Variants in MOK observed in about 807,000 individuals in gnomAD.
MOK encodes MOK protein kinase.
In MOK, 59 loss-of-function variants were observed where a neutral mutation model predicts 54.2. That is an observed-to-expected ratio of 1.09 (90% CI 0.88 to 1.35). MOK has a LOEUF of 1.35. Among genes scored for constraint, MOK ranks in the 40% most tolerant of loss-of-function variants. The pLI is 0.00. For missense variants in MOK, 517 were observed against 526.2 expected (o/e 0.98, Z 0.17); for synonymous variants, 210 against 202.7 (o/e 1.04, Z -0.31).
chr14:102,263,186 C>T (rs77401355), intron 4 of MOK, among the ~76,000 whole-genome samples: 2,317 of 152,378 alleles, frequency 0.015, 29 homozygotes, highest in Middle Eastern at 0.031. Flanking sequence ...AACAGAATGT[C>T]GAGCAACAGC....
the MOK span, among the ~76,000 whole-genome samples, chr14:102,218,530 T>C: frequency 6.6e-6 from 1 of 152,258 alleles, no homozygotes; most frequent in East Asian, 1.9e-4. Flanking sequence ...TGCTGCTTTA[T>C]TGTAAATTGT....
In MOK at chr14:102,265,832, T is replaced by C; in HGVS notation, c.203A>G (p.Glu68Gly). ...NPHPNILMLH[E>G]VVFDRKSGSL... ...CTCCAAATATACTTACAAAACCACTTCATGCAACATAAGAATGTTTGGGTG... is the reference window on the plus strand; with the variant it reads ...CTCCAAATATACTTACAAAACCACTCCATGCAACATAAGAATGTTTGGGTG... Residue 68 changes from glutamate (E) to glycine (G), a missense_variant, in exon 3 of 12, where the codon GAA becomes GGA. Coordinates refer to ENST00000361847, the MANE Select transcript of MOK (RefSeq NM_014226.3). 6.2e-7 allele frequency: 1 copy of C among 1,613,518 alleles called. No homozygotes were observed. Among genetic ancestry groups the C allele is most frequent in the South Asian group, 1.1e-5 (1 of 91,060 alleles).
chr14:102,280,877 G>A (rs2069343200), intron 2 of MOK: 1 of 152,260 alleles, frequency 6.6e-6, no homozygotes, highest in South Asian at 2.1e-4. Context: ...TCACCCGCTA[G>A]AGAACTGCTC....
chr14:102,296,583 C>T (rs536635061), intron 1 of MOK, among the ~76,000 whole-genome samples: 1 of 152,276 alleles, frequency 6.6e-6, no homozygotes, highest in African/African-American at 2.4e-5. Context: ...AAGTTTACCT[C>T]ATTTTGTTTT....
chr14:102,259,883 A>G (rs932290478), intron 4 of MOK, among the ~76,000 whole-genome samples: 1 of 152,108 alleles, frequency 6.6e-6, no homozygotes, highest in African/African-American at 2.4e-5. Context: ...TCTCTACTAA[A>G]AATACAAAAC....
downstream of MOK, among the ~76,000 whole-genome samples, chr14:102,222,174 G>A (rs1308363234): frequency 6.6e-6 from 1 of 151,808 alleles, no homozygotes; most frequent in Non-Finnish European, 1.5e-5. This position sits in a 1 kb window ranked among gnomAD's most constrained non-coding sequence, Gnocchi z 4.4. Context: ...GGCCCTGGTG[G>A]GTTGGCCCCC....
In MOK at chr14:102,298,007, C is replaced by G. The variant is rs550433599; in HGVS notation, c.7+6955G>C. On this transcript the variant is annotated intron_variant, in intron 1 of 11. Coordinates refer to ENST00000361847, the MANE Select transcript of MOK (RefSeq NM_014226.3). The stretch of plus-strand genomic sequence containing the variant: ...GGCTCCTGCGCAGCCCAAGCCTCCC[C>G]GAGGAGCACCGCCCCCTGCTCCAGG... Among the ~76,000 whole-genome samples the G allele has an allele frequency of 2.6e-5, 4 of 152,336 alleles. No individual in the cohort carries two copies. The East Asian group carries it at 5.8e-4, about 22-fold the overall frequency.
At chr14:102,287,996 G>A (rs1003876014) in intron 1 of MOK, among the ~76,000 whole-genome samples, 15 of 151,488 alleles carry the variant, frequency 9.9e-5, no homozygotes, top group East Asian at 3.9e-4. Context: ...CACCGCGCCC[G>A]GCTAATTTTT....
chr14:102,254,231 G>A (rs377407221), intron 4 of MOK, among the ~76,000 whole-genome samples: 85 of 152,196 alleles, frequency 5.6e-4, no homozygotes, highest in African/African-American at 1.9e-3. Flanking sequence ...CTCGAGATCC[G>A]CCCGCCTCGG....
intron 4 of MOK, 36 bp downstream of exon 4, chr14:102,263,510 A>G: frequency 7.0e-7 from 1 of 1,437,762 alleles, no homozygotes; most frequent in Non-Finnish European, 9.6e-7. Flanking sequence ...GCCTTAAAAG[A>G]GGATCTTAGG....
Position 102,229,179 on chromosome 14 carries a change from G to A in MOK, c.*110C>T, listed in dbSNP as rs928785115. 3.1e-5 allele frequency: 37 copies of A among 1,204,606 alleles called. No individual in the cohort carries two copies. The highest frequency in any genetic ancestry group is 7.7e-5 in the African/African-American group (5 of 65,170). 74.6% of individuals were successfully genotyped at this position (1,204,606 alleles called of 1,614,324 possible). ...CCCAGAGCCCCGGCCAGCGCGAAAC[G>A]GACGCAGGCGCATCCCCAGCCCTCC... On this transcript the variant is annotated 3_prime_UTR_variant, in exon 12 of 12. Transcript: ENST00000361847.
At chr14:102,286,071 G>A (rs1021376103) in intron 1 of MOK, among the ~76,000 whole-genome samples, 4 of 151,452 alleles carry the variant, frequency 2.6e-5, no homozygotes, top group South Asian at 2.1e-4. Flanking sequence ...AGGCCGAGGC[G>A]GGCGGATCAC....
downstream of MOK, among the ~76,000 whole-genome samples, chr14:102,222,247 C>T (rs2063978998): frequency 6.6e-6 from 1 of 152,208 alleles, no homozygotes; most frequent in Admixed American, 6.5e-5. This position sits in a 1 kb window ranked among gnomAD's most constrained non-coding sequence, Gnocchi z 4.4. Context: ...GGGGCTCCCC[C>T]GACCTCGGCC....
chr14:102,263,746 T>C, intron 3 of MOK, 130 bp from the exon 4 acceptor site: 2 of 513,582 alleles, frequency 3.9e-6, no homozygotes, highest in Non-Finnish European at 6.7e-6. Context: ...TACAGTGTAA[T>C]TGCTGAAACA....
chr14:102,221,071 C>A (rs550768944), downstream of MOK, among the ~76,000 whole-genome samples: 1 of 152,218 alleles, frequency 6.6e-6, no homozygotes, highest in African/African-American at 2.4e-5. The surrounding 1 kb of genome is among the most constrained non-coding windows in gnomAD (Gnocchi z 4.8). Context: ...AACGTGCTCC[C>A]GGGAAGCTAA....
chr14:102,265,599 C>G (rs1232914045), intron 3 of MOK, among the ~76,000 whole-genome samples: 1 of 151,876 alleles, frequency 6.6e-6, no homozygotes, highest in African/African-American at 2.4e-5. Flanking sequence ...CCGCTGCACT[C>G]CAGCCTGCAT....
chr14:102,292,816 T>A (rs1437313136), intron 1 of MOK, among the ~76,000 whole-genome samples: 1 of 152,044 alleles, frequency 6.6e-6, no homozygotes, highest in Non-Finnish European at 1.5e-5. Flanking sequence ...ATTCAATTTG[T>A]ATATGAGTGA....
intron 6 of MOK, 72 bp from the exon 7 acceptor site, chr14:102,251,062 A>G: frequency 6.7e-7 from 1 of 1,494,888 alleles, no homozygotes; most frequent in East Asian, 2.3e-5. Context: ...CACTCCAAAT[A>G]TTTATGCACC....
At chr14:102,283,749 T>G (rs1359346850) in intron 1 of MOK, among the ~76,000 whole-genome samples, 157 bp from the exon 2 acceptor site, 1 of 152,170 alleles carries the variant, frequency 6.6e-6, no homozygotes, top group East Asian at 1.9e-4. Context: ...CCCCTCAACT[T>G]TAGGGGAAGC....
Sources: gnomAD v4.1 joint callset for allele counts (sites outside exome capture counted in the v4.1 genomes callset) on GRCh38, gnomAD v4.1.1 for gene constraint, Gnocchi (gnomAD v3.1) non-coding constraint, MANE v1.5 for transcripts, NCBI Gene and HGNC (gene_info 2026-07-23, HGNC 2026-07-21) for gene names.